MAP4K4: variants seen among roughly 807,000 people sequenced by gnomAD.
MAP4K4 encodes HPK/GCK-like kinase HGK.
In MAP4K4, 38 loss-of-function variants were observed where a neutral mutation model predicts 189.6. The ratio of observed to expected loss-of-function variants is 0.20; its 90% CI spans 0.15 to 0.26. The LOEUF (loss-of-function observed/expected upper bound fraction) is 0.26. Ranked by LOEUF, MAP4K4 falls within the 10% of genes least tolerant of loss-of-function variation. The probability of loss-of-function intolerance (pLI) is 1.00; values close to 1 mark genes in which losing one functional copy is unlikely to be tolerated. For synonymous variants in MAP4K4, 610 were observed against 624.3 expected, an observed-to-expected ratio of 0.98 and a Z score of 0.34; for missense variants, 1,054 against 1,726.9, an observed-to-expected ratio of 0.61 and a Z score of 6.91.
At chr2:101,698,273 G>C in intron 1 of MAP4K4, 136 bp downstream of exon 1, 1 of 450,738 alleles carries the variant, frequency 2.2e-6, no homozygotes, top group South Asian at 3.9e-5. Flanking sequence ...TTGTCTTCCT[G>C]TGCGGGCTGG....
At chr2:101,797,870 TTTTTA>T (rs2093894438) in intron 3 of MAP4K4, among the ~76,000 whole-genome samples, 1 of 136,512 alleles carries the variant, frequency 7.3e-6, no homozygotes, top group African/African-American at 2.7e-5. Context: ...CCTATGAAGC[TTTTTA>T]AAACATTCTT....
chr2:101,760,530 ATGTGTGTGTGTG>A (rs34293909), intron 2 of MAP4K4, among the ~76,000 whole-genome samples: 6 of 138,690 alleles, frequency 4.3e-5, no homozygotes, highest in Admixed American at 2.2e-4. Context: ...ATATGTATAT[ATGTGTGTGTGTG>A]TGTGTGTGTG....
chr2:101,877,876 A>G (rs1428222564), intron 27 of MAP4K4, among the ~76,000 whole-genome samples: 1 of 152,078 alleles, frequency 6.6e-6, no homozygotes, highest in Non-Finnish European at 1.5e-5. Context: ...CAGCCTCCCG[A>G]GTAGCTGGGA....
At chr2:101,781,610 C>G (rs1429911253) in intron 2 of MAP4K4, among the ~76,000 whole-genome samples, 1 of 152,176 alleles carries the variant, frequency 6.6e-6, no homozygotes, top group Admixed American at 6.5e-5. Flanking sequence ...AACCCACTCT[C>G]TTAGACTAAC....
At chr2:101,856,340 G>A (rs964918151) in intron 13 of MAP4K4, among the ~76,000 whole-genome samples, 1 of 152,056 alleles carries the variant, frequency 6.6e-6, no homozygotes, top group Non-Finnish European at 1.5e-5. Context: ...TCTTAAAAAG[G>A]GTTTATAAAT....
At chr2:101,702,777 G>A (rs1203248360) in intron 2 of MAP4K4, among the ~76,000 whole-genome samples, 2 of 152,078 alleles carry the variant, frequency 1.3e-5, no homozygotes, top group Non-Finnish European at 2.9e-5. Context: ...ATTGGAGGAA[G>A]GGTACAATGT....
intron 2 of MAP4K4, among the ~76,000 whole-genome samples, chr2:101,712,237 C>A (rs536844065): frequency 2.3e-4 from 35 of 152,148 alleles, no homozygotes; most frequent in Non-Finnish European, 4.9e-4. Context: ...CTCTGTCACT[C>A]AGGCTGGAGT....
intron 3 of MAP4K4, 78 bp from the exon 4 acceptor site, chr2:101,823,850 T>A: frequency 1.6e-6 from 2 of 1,229,756 alleles, no homozygotes. Context: ...TTCCTTTCAT[T>A]ATTGTATGTA....
At chr2:101,781,281 A>G (rs1335714164) in intron 2 of MAP4K4, among the ~76,000 whole-genome samples, 2 of 152,134 alleles carry the variant, frequency 1.3e-5, no homozygotes, top group Non-Finnish European at 2.9e-5. Flanking sequence ...TTTGTAATGC[A>G]TCTTCACCAG....
In MAP4K4 at chr2:101,832,705, A is replaced by G. The variant is rs75962822; in HGVS notation, c.639+854A>G. Among the ~76,000 whole-genome samples, 236 of 152,310 alleles carry G rather than the reference A, an allele frequency of 1.5e-3. 2 individuals are homozygous for G. The highest frequency in any genetic ancestry group is 5.4e-3 in the African/African-American group (226 of 41,564). ...TAAGTAAATACAAATAATTAATACA[A>G]AGTTGGTAATTAGACCTGACTGGTA... On this transcript the variant is annotated intron_variant, in intron 7 of 32. Transcript: ENST00000324219.
chr2:101,827,812 C>CTTTG (rs1300893017), intron 5 of MAP4K4, among the ~76,000 whole-genome samples: 1 of 152,214 alleles, frequency 6.6e-6, no homozygotes, highest in Non-Finnish European at 1.5e-5. Flanking sequence ...GTATGACAAC[C>CTTTG]TTTGCCTGCT....
intron 2 of MAP4K4, among the ~76,000 whole-genome samples, chr2:101,724,084 A>T (rs535907012): frequency 6.6e-6 from 1 of 152,228 alleles, no homozygotes; most frequent in Non-Finnish European, 1.5e-5. Flanking sequence ...TCTATGTTTG[A>T]CATGTCTTTT....
At chr2:101,766,706 A>G (rs903339864) in intron 2 of MAP4K4, among the ~76,000 whole-genome samples, 4 of 151,052 alleles carry the variant, frequency 2.6e-5, no homozygotes, top group African/African-American at 4.9e-5. Flanking sequence ...CTCTAAGCTC[A>G]TTTCCCTTTA....
At chr2:101,714,754 A>T (rs1222117712) in intron 2 of MAP4K4, among the ~76,000 whole-genome samples, 1 of 152,168 alleles carries the variant, frequency 6.6e-6, no homozygotes, top group Non-Finnish European at 1.5e-5. Flanking sequence ...AGGCTTGAAG[A>T]TTATCTTGTT....
chr2:101,721,419 G>T (rs1299631430), intron 2 of MAP4K4, among the ~76,000 whole-genome samples: 1 of 151,368 alleles, frequency 6.6e-6, no homozygotes, highest in Admixed American at 6.6e-5. Context: ...GTGTTAAGGG[G>T]TTGGGTAGTA....
chr2:101,741,641 C>A (rs1558673904), intron 2 of MAP4K4, among the ~76,000 whole-genome samples: 1 of 151,894 alleles, frequency 6.6e-6, no homozygotes, highest in Non-Finnish European at 1.5e-5. Context: ...TATAATCCAG[C>A]TAAACATAAA....
At chr2:101,849,078 G>A (rs1448884699) in intron 12 of MAP4K4, among the ~76,000 whole-genome samples, 2 of 152,116 alleles carry the variant, frequency 1.3e-5, no homozygotes, top group Admixed American at 1.3e-4. Context: ...TTTACTCTAA[G>A]TGAATTACCC....
At chr2:101,772,505 T>G (rs1406588081) in intron 2 of MAP4K4, among the ~76,000 whole-genome samples, 1 of 152,248 alleles carries the variant, frequency 6.6e-6, no homozygotes, top group Non-Finnish European at 1.5e-5. Flanking sequence ...TGGACTATTA[T>G]GACTCCCTTT....
At position 101,877,261 on chromosome 2, in the gene MAP4K4, C is replaced by T. The variant is rs943643266; in HGVS notation, c.3385+115C>T. ...GATGTACTGGCTAAATAAGGTACAA[C>T]CACATTGAGACTTGACAATAATGTG... On this transcript the variant is annotated intron_variant, in intron 27 of 32. Transcript: ENST00000324219. 1.4e-5 allele frequency: 14 copies of T among 1,024,592 alleles called. No individual in the cohort carries two copies. In the South Asian group the frequency reaches 1.4e-4, roughly 10 times the overall value. 63.5% of individuals were successfully genotyped at this position (1,024,592 alleles called of 1,614,324 possible). A position where few individuals can be genotyped will look rare whatever the true frequency, so the allele number is the denominator to read the frequency against.
Sources: allele counts gnomAD v4.1 joint callset (sites outside exome capture counted in the v4.1 genomes callset), GRCh38; gene constraint gnomAD v4.1.1; transcripts MANE v1.5; gene names NCBI Gene and HGNC (gene_info 2026-07-23, HGNC 2026-07-21).